RBBP6: variants seen among roughly 807,000 people sequenced by gnomAD.
The protein encoded by RBBP6 is E3 ubiquitin-protein ligase RBBP6.
Under a neutral mutation model 167.7 loss-of-function variants are expected in RBBP6, and 25 were observed. The ratio of observed to expected loss-of-function variants is 0.15; its 90% CI spans 0.11 to 0.21. The LOEUF is 0.21. Among genes scored for constraint, RBBP6 ranks in the 10% least tolerant of loss-of-function variants. The pLI, the probability that RBBP6 is intolerant of heterozygous loss-of-function variation, is 1.00. For missense variants in RBBP6, 1,868 were observed against 2,134.2 expected, an observed-to-expected ratio of 0.88 and a Z score of 2.46; for synonymous variants, 789 against 735.8, an observed-to-expected ratio of 1.07 and a Z score of -1.17.
chr16:24,566,328 A>G (rs1341282852), intron 14 of RBBP6, among the ~76,000 whole-genome samples: 1 of 152,232 alleles, frequency 6.6e-6, no homozygotes, highest in Non-Finnish European at 1.5e-5. Context: ...TTTTTACTTA[A>G]GCTTTTGAGA....
At position 24,569,675 on chromosome 16, in the gene RBBP6, A is replaced by G; in HGVS notation, c.2985A>G (p.Ser995=). Residue 995 remains serine (S), a synonymous_variant, in exon 17 of 18, where the codon TCA becomes TCG. Transcript: ENST00000319715. ...GAGATGAACCAATGGATGCAGAATC[A>G]ATCACTTTTAAATCAGTGTCTGAAA... The part of the protein sequence containing the change: ...PVRDEPMDAE[S]ITFKSVSEKD... The G allele has an allele frequency of 6.2e-7, 1 of 1,613,802 alleles. No homozygotes were observed. The highest frequency in any genetic ancestry group is 8.5e-7 in the Non-Finnish European group (1 of 1,179,974).
chr16:24,539,857 CGG>C lies in RBBP6; in HGVS notation c.-767_-766del, dbSNP rs1334171202. On this transcript the variant is annotated 5_prime_UTR_variant, in exon 1 of 18. Transcript: ENST00000319715. ...AGCCACCCGGCCGCCGGCTGGGGCC[CGG>C]GGTGGTGAGGAAGTGCTCCGAGGCC... 1 of 152,568 alleles carries C rather than the reference CGG, an allele frequency of 6.6e-6. No homozygotes were observed. The highest frequency in any genetic ancestry group is 1.5e-5 in the Non-Finnish European group (1 of 68,030). 9.5% of individuals were successfully genotyped at this position (152,568 alleles called of 1,614,324 possible).
At chr16:24,562,585 T>A (rs74489789) in intron 10 of RBBP6, among the ~76,000 whole-genome samples, 2,221 of 152,060 alleles carry the variant, frequency 0.015, 59 homozygotes, top group African/African-American at 0.051. Context: ...AGTGATTGTT[T>A]TGGAGCATAA....
intron 8 of RBBP6, among the ~76,000 whole-genome samples, chr16:24,561,158 T>G (rs1179714551): frequency 6.6e-6 from 1 of 152,194 alleles, no homozygotes; most frequent in East Asian, 1.9e-4. Flanking sequence ...GACTATCTTA[T>G]ATTTCTCTTT....
intron 4 of RBBP6, chr16:24,554,600 A>G (rs971300888): frequency 6.6e-6 from 1 of 152,054 alleles, no homozygotes; most frequent in African/African-American, 2.4e-5. Flanking sequence ...AAGCCATCCT[A>G]TTTTATAATT....
intron 15 of RBBP6, 29 bp from the exon 16 acceptor site, chr16:24,567,763 A>T: frequency 6.5e-7 from 1 of 1,544,414 alleles, no homozygotes; most frequent in Non-Finnish European, 8.8e-7. Context: ...GTTTTTGTTA[A>T]CTTTCACTCT....
intron 10 of RBBP6, among the ~76,000 whole-genome samples, chr16:24,562,685 T>TA (rs373263162): frequency 0.13 from 18,007 of 135,808 alleles, 1,125 homozygotes; most frequent in Middle Eastern, 0.22. Context: ...ATAAATTCTT[T>TA]AAAAAAAAAA....
intron 4 of RBBP6, chr16:24,555,188 A>T (rs971196654): frequency 6.5e-6 from 1 of 153,416 alleles, no homozygotes; most frequent in South Asian, 2.1e-4. Context: ...AGAGCCTTCT[A>T]CTTCTAATAT....
intron 16 of RBBP6, 120 bp downstream of exon 16, chr16:24,568,013 A>T: frequency 1.3e-6 from 1 of 760,174 alleles, no homozygotes; most frequent in Non-Finnish European, 2.2e-6. Context: ...CTAGGTGTAT[A>T]GAAGTGAAGA....
chr16:24,564,901 T>A (rs769740601), intron 14 of RBBP6, 36 bp downstream of exon 14: 2 of 1,578,510 alleles, frequency 1.3e-6, no homozygotes, highest in Non-Finnish European at 1.7e-6. Flanking sequence ...ATAATCATCT[T>A]ATTTTTTATA....
chr16:24,565,742 C>T (rs1194440451), intron 14 of RBBP6, among the ~76,000 whole-genome samples: 2 of 152,188 alleles, frequency 1.3e-5, no homozygotes, highest in Admixed American at 6.5e-5. Context: ...TCATAATCAC[C>T]ACCAGGATAA....
chr16:24,559,402 G>T (rs936104424), intron 7 of RBBP6, 103 bp from the exon 8 acceptor site: 4 of 867,236 alleles, frequency 4.6e-6, no homozygotes, highest in East Asian at 3.0e-5. Flanking sequence ...AACTAATTTG[G>T]CATTGCGCTG....
In RBBP6 at chr16:24,569,468, A is replaced by C. The variant is rs1459341195; in HGVS notation, c.2778A>C (p.Gly926=). The change falls in exon 17 of 18, where the codon GGA becomes GGC. Residue 926 remains glycine (G), a synonymous_variant. Coordinates refer to ENST00000319715, the MANE Select transcript of RBBP6 (RefSeq NM_006910.5). ...SKEKESENAP[G]DGKGNKHKKH... ...AGAAGGAGAGTGAAAACGCTCCAGG[A>C]GATGGTAAAGGAAATAAGCATAAGA... 12 of 1,611,730 alleles carry C rather than the reference A, an allele frequency of 7.4e-6. No homozygotes were observed. The highest frequency in any genetic ancestry group is 1.0e-5 in the Non-Finnish European group (12 of 1,179,498).
intron 2 of RBBP6, among the ~76,000 whole-genome samples, chr16:24,548,463 T>C (rs58460664): frequency 0.047 from 7,211 of 152,092 alleles, 581 homozygotes; most frequent in African/African-American, 0.16. Flanking sequence ...AAAATGAAAA[T>C]AGCTATCAGC....
In RBBP6 at chr16:24,555,938, A is replaced by G. The variant is rs369578685; in HGVS notation, c.534+21A>G. On this transcript the variant is annotated intron_variant, in intron 6 of 17. Transcript: ENST00000319715. ...ATGGGGTAAGTTCAAAGCAGAAACTATGGTATATCTTACTTTTTTTCCTTT... is the reference window on the plus strand; with the variant it reads ...ATGGGGTAAGTTCAAAGCAGAAACTGTGGTATATCTTACTTTTTTTCCTTT... The G allele has an allele frequency of 7.2e-6, 11 of 1,525,322 alleles. No individual in the cohort carries two copies. In the African/African-American group the frequency reaches 1.2e-4, roughly 17 times the overall value. 94.5% of individuals were successfully genotyped at this position (1,525,322 alleles called of 1,614,324 possible). A position where few individuals can be genotyped will look rare whatever the true frequency, so the allele number is the denominator to read the frequency against.
At chr16:24,547,794 A>G (rs1341777210) in intron 2 of RBBP6, among the ~76,000 whole-genome samples, 1 of 152,200 alleles carries the variant, frequency 6.6e-6, no homozygotes, top group Non-Finnish European at 1.5e-5. Flanking sequence ...AATTCCTACA[A>G]TCCAGTGTGA....
chr16:24,553,626 G>A, intron 4 of RBBP6, 69 bp downstream of exon 4: 1 of 1,316,314 alleles, frequency 7.6e-7, no homozygotes, highest in Non-Finnish European at 1.0e-6. Context: ...ATGTGGAACG[G>A]TTTTTTAAGA....
In RBBP6 at chr16:24,572,778, TATC is replaced by T. The variant is rs764198579; in HGVS notation, c.*335_*337del. 2.2e-4 allele frequency: 44 copies of T among 201,262 alleles called. No individual in the cohort carries two copies. The highest frequency in any genetic ancestry group is 8.6e-4 in the African/African-American group (37 of 42,870). 12.5% of individuals were successfully genotyped at this position (201,262 alleles called of 1,614,324 possible). A position where few individuals can be genotyped will look rare whatever the true frequency, so the allele number is the denominator to read the frequency against. ...GCAAAAGCTGATATAAGTTCTAAAA[TATC>T]AGCAGAATGATTTGCTGAATTCATT... On this transcript the variant is annotated 3_prime_UTR_variant, in exon 18 of 18. Coordinates refer to ENST00000319715, the MANE Select transcript of RBBP6 (RefSeq NM_006910.5).
chr16:24,564,659 G>A (rs553843047), intron 13 of RBBP6, 138 bp from the exon 14 acceptor site: 39 of 1,165,462 alleles, frequency 3.3e-5, no homozygotes, highest in Middle Eastern at 2.0e-4. Flanking sequence ...CTCTGTATCC[G>A]AAACAAATTT....
Sources: gnomAD v4.1 joint callset for allele counts (sites outside exome capture counted in the v4.1 genomes callset) on GRCh38, gnomAD v4.1.1 for gene constraint, MANE v1.5 for transcripts, NCBI Gene and HGNC (gene_info 2026-07-23, HGNC 2026-07-21) for gene names.